Variants in CNTNAP2 observed in about 807,000 individuals in gnomAD.
The protein encoded by CNTNAP2 is contactin-associated protein-like 2.
A neutral mutation model predicts 155.2 loss-of-function variants in CNTNAP2; 98 were observed. The observed-to-expected ratio is 0.63, with a 90% CI of 0.54 to 0.75. The LOEUF (loss-of-function observed/expected upper bound fraction) is 0.75, where lower values mean the gene tolerates loss of function less well. CNTNAP2 is among the 30% of genes least tolerant of loss of function. CNTNAP2 has a pLI of 0.00. For synonymous variants in CNTNAP2, 651 were observed against 631.2 expected, an observed-to-expected ratio of 1.03 and a Z score of -0.47; for missense variants, 1,727 against 1,688.1, an observed-to-expected ratio of 1.02 and a Z score of -0.40.
At chr7:148,164,611 C>CTTTT (rs1175888434) in intron 17 of CNTNAP2, among the ~76,000 whole-genome samples, 15 of 93,566 alleles carry the variant, frequency 1.6e-4, no homozygotes, top group African/African-American at 5.1e-4. Flanking sequence ...TTTTCTCTCT[C>CTTTT]TTTTTTTTTT....
At chr7:147,662,857 A>G (rs926848673) in intron 13 of CNTNAP2, among the ~76,000 whole-genome samples, 3 of 152,220 alleles carry the variant, frequency 2.0e-5, no homozygotes, top group African/African-American at 7.2e-5. Flanking sequence ...GACAGACTAC[A>G]TTGATTTGAA....
At chr7:148,290,627 T>C (rs143200537) in intron 21 of CNTNAP2, among the ~76,000 whole-genome samples, 15 of 152,332 alleles carry the variant, frequency 9.8e-5, no homozygotes, top group Non-Finnish European at 1.6e-4. Flanking sequence ...TATCACTTTC[T>C]ATCTTCATGT....
intron 10 of CNTNAP2, among the ~76,000 whole-genome samples, chr7:147,429,909 A>G (rs1447386147): frequency 1.3e-5 from 2 of 152,044 alleles, no homozygotes; most frequent in East Asian, 3.9e-4. Context: ...ATTCTGTTCC[A>G]TTGGTGTACA....
At chr7:148,398,226 C>T (rs1183523053) in intron 22 of CNTNAP2, among the ~76,000 whole-genome samples, 3 of 152,302 alleles carry the variant, frequency 2.0e-5, no homozygotes, top group East Asian at 3.9e-4. Flanking sequence ...TTCTCAGCAA[C>T]GCTCCTCATC....
chr7:146,535,914 G>A (rs1490414170), intron 1 of CNTNAP2, among the ~76,000 whole-genome samples: 1 of 151,346 alleles, frequency 6.6e-6, no homozygotes, highest in African/African-American at 2.4e-5. Flanking sequence ...CTTGATGGTG[G>A]CATTTAATTA....
intron 13 of CNTNAP2, chr7:147,672,236 G>A (rs1377623538): frequency 6.6e-6 from 1 of 152,026 alleles, no homozygotes; most frequent in East Asian, 1.9e-4. Flanking sequence ...AAGTTAATCA[G>A]AATTACCACA....
intron 1 of CNTNAP2, among the ~76,000 whole-genome samples, chr7:146,146,698 G>A (rs964469387): frequency 3.3e-5 from 5 of 151,908 alleles, no homozygotes; most frequent in African/African-American, 9.7e-5. Context: ...AATAAAAATG[G>A]TTCATCAAAT....
chr7:146,424,977 C>T lies in CNTNAP2; in HGVS notation c.97+308004C>T, dbSNP rs58760650. 6.6e-3 allele frequency among the ~76,000 whole-genome samples: 1,011 copies of T among 152,168 alleles called. 13 individuals carry two copies. The highest frequency in any genetic ancestry group is 0.023 in the African/African-American group (942 of 41,528). On this transcript the variant is annotated intron_variant, in intron 1 of 23. Coordinates refer to ENST00000361727, the MANE Select transcript of CNTNAP2 (RefSeq NM_014141.6). ...CTTATAATTATCAGTGGTCCACAAT[C>T]TAATACGTTTTCAATTTACTTACAT...
At position 148,416,128 on chromosome 7, in the gene CNTNAP2, T is replaced by C. The variant is rs1006195489; in HGVS notation, c.*512T>C. The C allele has an allele frequency of 1.9e-5, 3 of 158,902 alleles. No individual in the cohort carries two copies. Among genetic ancestry groups the C allele is most frequent in the Non-Finnish European group, 1.4e-5 (1 of 72,150 alleles). 9.8% of individuals were successfully genotyped at this position (158,902 alleles called of 1,614,324 possible). The stretch of plus-strand genomic sequence containing the variant: ...ACTATTTCCTTTGATGTCCTATAAG[T>C]CGGAAAAGAAAGGGGCAAAGAGAAC... On this transcript the variant is annotated 3_prime_UTR_variant, in exon 24 of 24. Transcript: ENST00000361727.
rs564180078 is a variant in CNTNAP2, at chr7:148,030,908, C to T, written c.2383+52919C>T. Among the ~76,000 whole-genome samples the T allele has an allele frequency of 3.3e-5, 5 of 151,988 alleles. No individual in the cohort carries two copies. The East Asian group carries it at 5.8e-4, about 18-fold the overall frequency. On this transcript the variant is annotated intron_variant, in intron 15 of 23. Coordinates refer to ENST00000361727, the MANE Select transcript of CNTNAP2 (RefSeq NM_014141.6). ...GATGGAATCAGGCGGAAGCACGTAG[C>T]GTAAAAGAAAAATTGCACCAGACAC... is the stretch of plus-strand genomic sequence containing the variant.
intron 1 of CNTNAP2, among the ~76,000 whole-genome samples, chr7:146,615,434 G>T (rs888180283): frequency 6.6e-6 from 1 of 152,128 alleles, no homozygotes; most frequent in Non-Finnish European, 1.5e-5. Context: ...TTCTTCCTGT[G>T]AAATAAATAT....
chr7:146,854,458 G>A (rs929036631), intron 3 of CNTNAP2, among the ~76,000 whole-genome samples: 1 of 152,126 alleles, frequency 6.6e-6, no homozygotes, highest in African/African-American at 2.4e-5. Context: ...GATGGAAGAG[G>A]AATGAAAGAA....
intron 3 of CNTNAP2, among the ~76,000 whole-genome samples, chr7:146,984,713 A>T (rs1313485358): frequency 6.6e-6 from 1 of 152,052 alleles, no homozygotes; most frequent in South Asian, 2.1e-4. Flanking sequence ...GTTTATTTTT[A>T]TAGTATTTCT....
chr7:148,402,895 G>A (rs1799619895), intron 22 of CNTNAP2, among the ~76,000 whole-genome samples: 2 of 151,094 alleles, frequency 1.3e-5, no homozygotes, highest in African/African-American at 4.9e-5. Context: ...ATTTTGGGGG[G>A]TTTTATGTTA....
chr7:147,224,282 C>T (rs1176156751), intron 8 of CNTNAP2, among the ~76,000 whole-genome samples: 2 of 152,152 alleles, frequency 1.3e-5, no homozygotes, highest in Non-Finnish European at 2.9e-5. Flanking sequence ...AGTCTCCATA[C>T]CATTTTTCAA....
intron 5 of CNTNAP2, among the ~76,000 whole-genome samples, chr7:147,109,947 CAG>C (rs1294624173): frequency 6.6e-6 from 1 of 151,716 alleles, no homozygotes; most frequent in Non-Finnish European, 1.5e-5. Flanking sequence ...ATTTTTGAGT[CAG>C]AGTCTCACCC....
intron 21 of CNTNAP2, among the ~76,000 whole-genome samples, chr7:148,375,558 A>T: frequency 6.7e-6 from 1 of 150,364 alleles, no homozygotes. Flanking sequence ...ATGGGGTTTC[A>T]CCATGTTGGC....
intron 1 of CNTNAP2, among the ~76,000 whole-genome samples, chr7:146,747,089 AC>A (rs1403787964): frequency 1.3e-5 from 2 of 152,138 alleles, no homozygotes; most frequent in African/African-American, 4.8e-5. Flanking sequence ...TATGCTCGTT[AC>A]TTACATTTTT....
At chr7:146,252,731 T>C (rs1210511543) in intron 1 of CNTNAP2, among the ~76,000 whole-genome samples, 3 of 152,034 alleles carry the variant, frequency 2.0e-5, no homozygotes, top group Admixed American at 6.6e-5. Context: ...CTTATATTCT[T>C]AAAAAGAAAA....
Sources: gnomAD v4.1 joint callset for allele counts (sites outside exome capture counted in the v4.1 genomes callset) on GRCh38, gnomAD v4.1.1 for gene constraint, MANE v1.5 for transcripts, NCBI Gene and HGNC (gene_info 2026-07-23, HGNC 2026-07-21) for gene names.